The following FOXP1 variants were observed in gnomAD, a reference collection of about 807,000 sequenced individuals.
FOXP1 encodes forkhead box P1.
In FOXP1, 15 loss-of-function variants were observed where a neutral mutation model predicts 98.2. The ratio of observed to expected loss-of-function variants is 0.15; its 90% CI spans 0.10 to 0.24. The LOEUF (loss-of-function observed/expected upper bound fraction) is 0.24, where lower values mean the gene tolerates loss of function less well. FOXP1 is among the 10% of genes least tolerant of loss of function. FOXP1 has a pLI of 1.00. For missense variants in FOXP1, 633 were observed against 848.5 expected, an observed-to-expected ratio of 0.75 and a Z score of 3.15; for synonymous variants, 371 against 314.5, an observed-to-expected ratio of 1.18 and a Z score of -1.90.
At chr3:71,015,781 C>T (rs1407221514) in intron 11 of FOXP1, 128 bp from the exon 12 acceptor site, 1 of 646,994 alleles carries the variant, frequency 1.5e-6, no homozygotes, top group East Asian at 2.8e-5. Context: ...GTGATTTCCC[C>T]CATCCCATGT....
intron 5 of FOXP1, among the ~76,000 whole-genome samples, chr3:71,260,216 C>A (rs1027834435): frequency 1.3e-5 from 2 of 152,172 alleles, no homozygotes; most frequent in Non-Finnish European, 1.5e-5. Context: ...ATCTCCTGAC[C>A]TTGTGATCCG....
At chr3:71,439,662 G>T (rs539282703) in intron 3 of FOXP1, among the ~76,000 whole-genome samples, 11 of 152,284 alleles carry the variant, frequency 7.2e-5, no homozygotes, top group African/African-American at 2.6e-4. Context: ...AGGGAGAAGG[G>T]GCCAGGCGCA....
intron 7 of FOXP1, among the ~76,000 whole-genome samples, chr3:71,090,380 C>G (rs1215772405): frequency 1.3e-5 from 2 of 152,040 alleles, no homozygotes; most frequent in African/African-American, 4.8e-5. Flanking sequence ...TGTGATAATA[C>G]AGAAGTGAAA....
chr3:71,280,605 T>A (rs1477637508), intron 5 of FOXP1, among the ~76,000 whole-genome samples: 1 of 151,900 alleles, frequency 6.6e-6, no homozygotes, highest in Non-Finnish European at 1.5e-5. Flanking sequence ...ATTACAGGTG[T>A]GAGCCACCAT....
rs1438471245 is a variant in FOXP1 at position 71,476,663 on chromosome 3, T to C, written c.-168+16763A>G. Among the ~76,000 whole-genome samples the C allele has an allele frequency of 2.0e-5, 3 of 151,492 alleles. No individual in the cohort carries two copies. In the East Asian group the frequency reaches 5.8e-4, roughly 29 times the overall value. On this transcript the variant is annotated intron_variant, in intron 3 of 20. Transcript: ENST00000649528. ...CCGCCATCATGCCCAGCTAATTTTTTTTTTTTTTTTTTTGTATTTTTGTAC... is the reference window on the plus strand; with the variant it reads ...CCGCCATCATGCCCAGCTAATTTTTCTTTTTTTTTTTTTGTATTTTTGTAC...
chr3:71,576,262 T>C (rs1207561957), intron 2 of FOXP1, among the ~76,000 whole-genome samples: 5 of 152,188 alleles, frequency 3.3e-5, no homozygotes, highest in Non-Finnish European at 5.9e-5. Context: ...CACAACATGA[T>C]TCTGAGTATA....
intron 3 of FOXP1, among the ~76,000 whole-genome samples, chr3:71,459,691 A>G (rs1024231453): frequency 2.6e-5 from 4 of 152,244 alleles, no homozygotes; most frequent in Admixed American, 2.6e-4. Context: ...AAATTCAAAT[A>G]CAGCTAAAAT....
chr3:71,016,532 G>A (rs2044513083), intron 11 of FOXP1, among the ~76,000 whole-genome samples: 1 of 152,028 alleles, frequency 6.6e-6, no homozygotes, highest in South Asian at 2.1e-4. Context: ...GAAATGTAAA[G>A]CTAACATTGA....
At chr3:71,338,632 A>G (rs940927215) in intron 4 of FOXP1, among the ~76,000 whole-genome samples, 2 of 152,132 alleles carry the variant, frequency 1.3e-5, no homozygotes, top group African/African-American at 4.8e-5. Flanking sequence ...GTTTCACCCT[A>G]TTAAGCCAGG....
At chr3:71,167,892 T>C (rs1576163790) in intron 6 of FOXP1, among the ~76,000 whole-genome samples, 2 of 152,332 alleles carry the variant, frequency 1.3e-5, no homozygotes, top group South Asian at 4.1e-4. Flanking sequence ...AGAGCTAACT[T>C]CTACACTCCT....
chr3:71,190,413 C>T (rs1224672330), intron 6 of FOXP1, among the ~76,000 whole-genome samples: 2 of 151,494 alleles, frequency 1.3e-5, no homozygotes, highest in African/African-American at 2.4e-5. Flanking sequence ...GAGTTCAAGA[C>T]CAGCCTAGGC....
intron 5 of FOXP1, among the ~76,000 whole-genome samples, chr3:71,210,475 C>G (rs550325191): frequency 1.1e-4 from 16 of 152,172 alleles, no homozygotes; most frequent in Non-Finnish European, 2.2e-4. Flanking sequence ...ATTTTTCAGG[C>G]TCAAGGACCT....
intron 20 of FOXP1, among the ~76,000 whole-genome samples, chr3:70,959,768 C>T (rs765021748): frequency 8.5e-5 from 13 of 152,090 alleles, no homozygotes; most frequent in Non-Finnish European, 1.0e-4. Context: ...CATACTTTAA[C>T]ACACGCTGCA....
intron 11 of FOXP1, among the ~76,000 whole-genome samples, chr3:71,031,389 G>C (rs1314680550): frequency 6.6e-6 from 1 of 152,146 alleles, no homozygotes; most frequent in African/African-American, 2.4e-5. Context: ...AGTTGCTATG[G>C]GGTCTGTTTG....
intron 3 of FOXP1, among the ~76,000 whole-genome samples, chr3:71,416,185 A>T (rs1053051860): frequency 2.6e-5 from 4 of 152,200 alleles, no homozygotes; most frequent in Non-Finnish European, 5.9e-5. Flanking sequence ...ACCGAAAGGG[A>T]TGAATGCCAC....
intron 13 of FOXP1, 81 bp from the exon 14 acceptor site, chr3:70,988,158 T>C (rs1018598964): frequency 8.3e-6 from 10 of 1,198,846 alleles, no homozygotes; most frequent in Non-Finnish European, 1.2e-5. Context: ...ATATTACAAA[T>C]TACGCTATGG....
intron 4 of FOXP1, among the ~76,000 whole-genome samples, chr3:71,301,869 T>C (rs938094454): frequency 5.9e-5 from 9 of 152,202 alleles, no homozygotes; most frequent in East Asian, 1.9e-4. Context: ...AGAACAAAAA[T>C]AGAAGCTGAT....
At chr3:71,457,709 C>G (rs567880364) in intron 3 of FOXP1, among the ~76,000 whole-genome samples, 39 of 152,308 alleles carry the variant, frequency 2.6e-4, no homozygotes, top group Admixed American at 4.6e-4. Flanking sequence ...GGGGAAAGGG[C>G]TTAACCACTG....
rs536477948 is a variant in FOXP1, at chr3:71,307,915, T to C, written c.-72-8035A>G. Among the ~76,000 whole-genome samples, 16 of 152,320 alleles carry C rather than the reference T, an allele frequency of 1.1e-4. No homozygotes were observed. The South Asian group carries it at 3.1e-3, about 30-fold the overall frequency. ...ACTGTACCCTAAATTAATATTTTAA[T>C]GAGGACAGTGAAATAAAGACGACAA... is the stretch of plus-strand genomic sequence containing the variant. On this transcript the variant is annotated intron_variant, in intron 4 of 20. Transcript: ENST00000649528.
Sources: gnomAD v4.1 joint callset for allele counts (sites outside exome capture counted in the v4.1 genomes callset) on GRCh38, gnomAD v4.1.1 for gene constraint, MANE v1.5 for transcripts, NCBI Gene and HGNC (gene_info 2026-07-23, HGNC 2026-07-21) for gene names.